Variants in KCNIP4 observed in about 807,000 individuals in gnomAD.
The protein encoded by KCNIP4 is Kv channel-interacting protein 4.
In KCNIP4, 12 loss-of-function variants were observed where a neutral mutation model predicts 34.0. The observed-to-expected ratio is 0.35, with a 90% CI of 0.23 to 0.57. The LOEUF is 0.57. Ranked by LOEUF, KCNIP4 falls within the 20% of genes least tolerant of loss-of-function variation. KCNIP4 has a pLI of 0.83. For synonymous variants in KCNIP4, 124 were observed against 102.2 expected, an observed-to-expected ratio of 1.21 and a Z score of -1.29; for missense variants, 238 against 311.7, an observed-to-expected ratio of 0.76 and a Z score of 1.78.
chr4:20,959,761 A>G (rs544230951), intron 1 of KCNIP4, among the ~76,000 whole-genome samples: 32 of 152,260 alleles, frequency 2.1e-4, no homozygotes, highest in South Asian at 1.2e-3. Context: ...ACGGAGTTCA[A>G]TGTGGTTGTT....
At chr4:21,221,030 A>C (rs1007620994) in intron 1 of KCNIP4, among the ~76,000 whole-genome samples, 1 of 152,206 alleles carries the variant, frequency 6.6e-6, no homozygotes, top group Non-Finnish European at 1.5e-5. Flanking sequence ...CAAGGTATTT[A>C]AATTAGCTAC....
intron 1 of KCNIP4, among the ~76,000 whole-genome samples, chr4:21,686,035 T>G (rs968741516): frequency 1.3e-5 from 2 of 152,250 alleles, no homozygotes; most frequent in Non-Finnish European, 1.5e-5. Context: ...TTTTGACTTT[T>G]GTTTGGCTCA....
At chr4:20,829,708 C>T (rs12649113) in intron 3 of KCNIP4, among the ~76,000 whole-genome samples, 2 of 152,052 alleles carry the variant, frequency 1.3e-5, no homozygotes, top group Non-Finnish European at 1.5e-5. Context: ...GCTTGAACCA[C>T]TGCGATAAGT....
chr4:21,188,494 T>C (rs762242653), intron 1 of KCNIP4, among the ~76,000 whole-genome samples: 1 of 151,834 alleles, frequency 6.6e-6, no homozygotes, highest in Non-Finnish European at 1.5e-5. Flanking sequence ...ACATTTCTCA[T>C]GTTTTTTGTT....
chr4:20,758,466 T>G (rs4697177), intron 4 of KCNIP4, among the ~76,000 whole-genome samples: 110,009 of 151,956 alleles, frequency 0.72, 40,027 homozygotes, highest in African/African-American at 0.8. Context: ...AATTACATTT[T>G]TCCTAATTTT....
chr4:20,736,291 A>G (rs1345560107), intron 5 of KCNIP4, among the ~76,000 whole-genome samples: 2 of 152,182 alleles, frequency 1.3e-5, no homozygotes, highest in Non-Finnish European at 2.9e-5. Flanking sequence ...TTTCCATTGT[A>G]TATGTAAATA....
chr4:20,989,140 T>G (rs973042864), intron 1 of KCNIP4, among the ~76,000 whole-genome samples: 1 of 152,208 alleles, frequency 6.6e-6, no homozygotes, highest in African/African-American at 2.4e-5. Flanking sequence ...AGTTCTCACA[T>G]GTATATGTGC....
At chr4:21,461,311 T>C (rs1321262651) in intron 1 of KCNIP4, among the ~76,000 whole-genome samples, 1 of 152,050 alleles carries the variant, frequency 6.6e-6, no homozygotes, top group Non-Finnish European at 1.5e-5. Flanking sequence ...TCCCCAGCCA[T>C]GCAAACTGTG....
At position 21,051,038 on chromosome 4, in the gene KCNIP4, T is replaced by C. The variant is rs563563372; in HGVS notation, c.62-168329A>G. Among the ~76,000 whole-genome samples the C allele has an allele frequency of 1.2e-3, 181 of 152,316 alleles. 3 individuals carry two copies. In the South Asian group the frequency reaches 0.025, roughly 21 times the overall value. On this transcript the variant is annotated intron_variant, in intron 1 of 8. Transcript: ENST00000382152. ...TCCATAACATGCATCAGGGATTTGGTATTTCTCCCTCTGAATTGTAATTGT... is the reference window on the plus strand; with the variant it reads ...TCCATAACATGCATCAGGGATTTGGCATTTCTCCCTCTGAATTGTAATTGT...
chr4:21,649,441 C>G (rs1174295167), intron 1 of KCNIP4, among the ~76,000 whole-genome samples: 1 of 151,984 alleles, frequency 6.6e-6, no homozygotes, highest in Non-Finnish European at 1.5e-5. Flanking sequence ...ATATGTAAGA[C>G]AGTATGGCAA....
rs1428947599 is a variant in KCNIP4 at position 21,072,328 on chromosome 4, T to C, written c.62-189619A>G. Among the ~76,000 whole-genome samples, 8 of 152,310 alleles carry C rather than the reference T, an allele frequency of 5.3e-5. No individual in the cohort carries two copies. In the South Asian group the frequency reaches 1.0e-3, roughly 20 times the overall value. On this transcript the variant is annotated intron_variant, in intron 1 of 8. Coordinates refer to ENST00000382152, the MANE Select transcript of KCNIP4 (RefSeq NM_025221.6). ...TGTTGTTTCCTGACATGTTAATGATTGCCATTCTAACTGGTGTGAGATGGT... is the reference window on the plus strand; with the variant it reads ...TGTTGTTTCCTGACATGTTAATGATCGCCATTCTAACTGGTGTGAGATGGT...
intron 3 of KCNIP4, among the ~76,000 whole-genome samples, chr4:20,829,579 C>G (rs2149455704): frequency 6.6e-6 from 1 of 152,198 alleles, no homozygotes; most frequent in Non-Finnish European, 1.5e-5. Context: ...GGGCCTGGTC[C>G]TTGTAGGATT....
chr4:21,414,850 G>A (rs966529865), intron 1 of KCNIP4, among the ~76,000 whole-genome samples: 4 of 151,814 alleles, frequency 2.6e-5, no homozygotes, highest in African/African-American at 7.3e-5. Flanking sequence ...ATATATTTAT[G>A]GGGAACATGA....
chr4:20,826,446 A>C (rs1010294732), intron 3 of KCNIP4, among the ~76,000 whole-genome samples: 26 of 151,536 alleles, frequency 1.7e-4, no homozygotes, highest in South Asian at 8.4e-4. Flanking sequence ...TTAGCCAGAC[A>C]TGGTGGCACA....
chr4:20,737,148 G>GA (rs1385805945), intron 5 of KCNIP4, among the ~76,000 whole-genome samples: 1 of 152,166 alleles, frequency 6.6e-6, no homozygotes, highest in African/African-American at 2.4e-5. Flanking sequence ...TCAAGTGAGA[G>GA]AAAAACAAGA....
intron 1 of KCNIP4, among the ~76,000 whole-genome samples, chr4:21,886,183 G>A (rs1726753527): frequency 6.6e-6 from 1 of 151,992 alleles, no homozygotes; most frequent in Non-Finnish European, 1.5e-5. Context: ...TGATTTTCCA[G>A]GTTTAATGTT....
chr4:20,843,717 G>A (rs752216354), intron 3 of KCNIP4, among the ~76,000 whole-genome samples: 7 of 152,174 alleles, frequency 4.6e-5, no homozygotes, highest in Non-Finnish European at 7.3e-5. Context: ...GTGACAGAGC[G>A]AGACTCCGTC....
chr4:21,803,779 A>G (rs1336082800), intron 1 of KCNIP4, among the ~76,000 whole-genome samples: 1 of 152,118 alleles, frequency 6.6e-6, no homozygotes, highest in Non-Finnish European at 1.5e-5. Context: ...CAGAGCACTG[A>G]TTTCATTGGC....
chr4:21,039,376 G>GAA (rs34620206), intron 1 of KCNIP4, among the ~76,000 whole-genome samples: 1 of 121,098 alleles, frequency 8.3e-6, no homozygotes, highest in Non-Finnish European at 1.9e-5. Context: ...TCTCAAAAAA[G>GAA]AAAAAAAAAA....
Sources: gnomAD v4.1 joint callset for allele counts (sites outside exome capture counted in the v4.1 genomes callset) on GRCh38, gnomAD v4.1.1 for gene constraint, MANE v1.5 for transcripts, NCBI Gene and HGNC (gene_info 2026-07-23, HGNC 2026-07-21) for gene names.